Variants in BRD3 observed in about 807,000 individuals in gnomAD.
The protein encoded by BRD3 is bromodomain-containing protein 3.
A neutral mutation model predicts 66.8 loss-of-function variants in BRD3; 17 were observed. That is an observed-to-expected ratio of 0.25 (90% CI 0.17 to 0.38). The LOEUF is 0.38. Among genes scored for constraint, BRD3 ranks in the 10% least tolerant of loss-of-function variants. The pLI, the probability that BRD3 is intolerant of heterozygous loss-of-function variation, is 1.00. For missense variants in BRD3, 713 were observed against 956.1 expected, an observed-to-expected ratio of 0.75 and a Z score of 3.35; for synonymous variants, 421 against 393.2, an observed-to-expected ratio of 1.07 and a Z score of -0.84.
At position 134,053,550 on chromosome 9, in the gene BRD3, G is replaced by C; in HGVS notation, c.-73C>G. 6.8e-7 allele frequency: 1 copy of C among 1,461,296 alleles called. No homozygotes were observed. The highest frequency in any genetic ancestry group is 9.0e-7 in the Non-Finnish European group (1 of 1,109,680). The allele number at this position is 1,461,296 out of a possible 1,614,324, so 90.5% of individuals were successfully genotyped here. On this transcript the variant is annotated 5_prime_UTR_variant, in exon 2 of 12. Coordinates refer to ENST00000303407, the MANE Select transcript of BRD3 (RefSeq NM_007371.4). ...CCCTGGCTGCTTCTACGCTCCCTGAGAAAGCGCGACGTCCCATTTCCGGGC... is the reference window on the plus strand; with the variant it reads ...CCCTGGCTGCTTCTACGCTCCCTGACAAAGCGCGACGTCCCATTTCCGGGC...
At chr9:134,046,281 G>A (rs1830161835) in intron 6 of BRD3, among the ~76,000 whole-genome samples, 1 of 152,236 alleles carries the variant, frequency 6.6e-6, no homozygotes. Flanking sequence ...ACTAGTTGGG[G>A]CAAAGAGAGG....
At chr9:134,062,390 C>T (rs568625876) in intron 1 of BRD3, among the ~76,000 whole-genome samples, 28 of 152,286 alleles carry the variant, frequency 1.8e-4, no homozygotes, top group African/African-American at 6.5e-4. Flanking sequence ...GCTGCCTCTC[C>T]CGTGACTGTC....
intron 9 of BRD3, chr9:134,036,541 C>A: frequency 5.0e-6 from 8 of 1,609,384 alleles, no homozygotes; most frequent in Non-Finnish European, 6.8e-6. Context: ...GAGGTTCGTT[C>A]CTCTCTACAC....
At position 134,063,180 on chromosome 9, in the gene BRD3, C is replaced by G. The variant is rs980809722; in HGVS notation, c.-114+4765G>C. Among the ~76,000 whole-genome samples, 14 of 152,368 alleles carry G rather than the reference C, an allele frequency of 9.2e-5. No homozygotes were observed. The East Asian group carries it at 2.7e-3, about 29-fold the overall frequency. On this transcript the variant is annotated intron_variant, in intron 1 of 11. Transcript: ENST00000303407. ...TCTATGTTCTCTGCTCACCCCCAAC[C>G]ACAAATGCCGAGGACTGCAGGACGC... is the stretch of plus-strand genomic sequence containing the variant.
At chr9:134,038,168 TC>T (rs1181924188) in intron 9 of BRD3, among the ~76,000 whole-genome samples, 32 of 152,312 alleles carry the variant, frequency 2.1e-4, no homozygotes, top group African/African-American at 7.0e-4. Context: ...TTTCTTTTTT[TC>T]TCTGAGGCCA....
At chr9:134,034,526 C>G in intron 11 of BRD3, 175 bp downstream of exon 11, 1 of 898,694 alleles carries the variant, frequency 1.1e-6, no homozygotes, top group Non-Finnish European at 1.6e-6. Flanking sequence ...GGGGTATGAC[C>G]CCCAGTGACA....
Position 134,053,581 on chromosome 9 carries a change from C to G in BRD3, c.-104G>C, listed in dbSNP as rs548963663. ...GCGACGTCCCATTTCCGGGCCCAAC[C>G]AGGCGACAGCTGCAGAGGAGGAAGC... On this transcript the variant is annotated 5_prime_UTR_variant, in exon 2 of 12. Transcript: ENST00000303407. The G allele has an allele frequency of 1.4e-5, 20 of 1,447,070 alleles. No individual in the cohort carries two copies. The Admixed American group carries it at 4.9e-4, about 35-fold the overall frequency. The allele number at this position is 1,447,070 out of a possible 1,614,324, so 89.6% of individuals were successfully genotyped here.
intron 6 of BRD3, 21 bp downstream of exon 6, chr9:134,048,062 G>T: frequency 6.5e-7 from 1 of 1,543,272 alleles, no homozygotes. Flanking sequence ...GCAGAGCAGG[G>T]CCTGCCGCGC....
rs1843501462 is a variant in BRD3 at position 134,030,856 on chromosome 9, A to C, written c.*2734T>G. Reference sequence around the variant, plus strand: ...TCCAGGGGTCATTCAGAGTGTTCTCAAATCCAATTCCGACACACGACTTGT... The same window carrying C: ...TCCAGGGGTCATTCAGAGTGTTCTCCAATCCAATTCCGACACACGACTTGT... On this transcript the variant is annotated 3_prime_UTR_variant, in exon 12 of 12. Coordinates refer to ENST00000303407, the MANE Select transcript of BRD3 (RefSeq NM_007371.4). 1 of 232,550 alleles carries C rather than the reference A, an allele frequency of 4.3e-6. No homozygotes were observed. The highest frequency in any genetic ancestry group is 5.6e-5 in the Admixed American group (1 of 17,758). The allele number at this position is 232,550 out of a possible 1,614,324, so 14.4% of individuals were successfully genotyped here.
Position 134,053,600 on chromosome 9 carries a change from AG to A in BRD3, c.-113-11del. 1 of 1,442,780 alleles carries A rather than the reference AG, an allele frequency of 6.9e-7. No homozygotes were observed. The highest frequency in any genetic ancestry group is 1.5e-5 in the South Asian group (1 of 68,532). 89.4% of individuals were successfully genotyped at this position (1,442,780 alleles called of 1,614,324 possible). ...CCCAACCAGGCGACAGCTGCAGAGG[AG>A]GAAGCACAACAGAGAGGAAGGCCAG... On this transcript the variant is annotated splice_polypyrimidine_tract_variant and intron_variant, in intron 1 of 11. Transcript: ENST00000303407.
rs1028023380 is a variant in BRD3 at position 134,045,541 on chromosome 9, A to G, written c.1087-120T>C. Reference sequence around the variant, plus strand: ...CACTGCCAGCTCCAGGGCAGTGCCTACTGGCCTGGCCGGCAGGACACCCCA... The same window carrying G: ...CACTGCCAGCTCCAGGGCAGTGCCTGCTGGCCTGGCCGGCAGGACACCCCA... On this transcript the variant is annotated intron_variant, in intron 6 of 11. Transcript: ENST00000303407. This position sits in a 1 kb window ranked among gnomAD's most constrained non-coding sequence, Gnocchi z 4.8. The G allele has an allele frequency of 6.9e-7, 1 of 1,450,674 alleles. No individual in the cohort carries two copies. Among genetic ancestry groups the G allele is most frequent in the Non-Finnish European group, 9.4e-7 (1 of 1,059,566 alleles). 89.9% of individuals were successfully genotyped at this position (1,450,674 alleles called of 1,614,324 possible). A position where few individuals can be genotyped will look rare whatever the true frequency, so the allele number is the denominator to read the frequency against.
rs1054657817 is a variant in BRD3 at position 134,033,319 on chromosome 9, C to T, written c.*271G>A. On this transcript the variant is annotated 3_prime_UTR_variant, in exon 12 of 12. Coordinates refer to ENST00000303407, the MANE Select transcript of BRD3 (RefSeq NM_007371.4). This position sits in a 1 kb window ranked among gnomAD's most constrained non-coding sequence, Gnocchi z 5.1. ...ATCTCACACGGTTTTCTGGGGTCATCGGGTTAGCATTTGAAGTTGTCATCT... is the reference window on the plus strand; with the variant it reads ...ATCTCACACGGTTTTCTGGGGTCATTGGGTTAGCATTTGAAGTTGTCATCT... 6.9e-6 allele frequency: 3 copies of T among 435,942 alleles called. No individual in the cohort carries two copies. Among genetic ancestry groups the T allele is most frequent in the Middle Eastern group, 5.9e-4 (1 of 1,704 alleles). 27.0% of individuals were successfully genotyped at this position (435,942 alleles called of 1,614,324 possible).
At chr9:134,042,670 CATAT>C (rs902164054) in intron 7 of BRD3, among the ~76,000 whole-genome samples, 1 of 131,292 alleles carries the variant, frequency 7.6e-6, no homozygotes, top group Non-Finnish European at 1.6e-5. Context: ...CACACACACA[CATAT>C]ATATACACAC....
At chr9:134,051,529 G>A in intron 4 of BRD3, 33 bp downstream of exon 4, 2 of 1,498,002 alleles carry the variant, frequency 1.3e-6, no homozygotes, top group East Asian at 2.5e-5. Flanking sequence ...CTGCAGAGAG[G>A]CCCAGCCCCT....
In BRD3 at chr9:134,052,360, G is replaced by A. The variant is rs61731642; in HGVS notation, c.297C>T (p.Ser99=). ...RLENNYYWSA[S]ECMQDFNTMF... is the part of the protein sequence containing the mutation. ...TGGTGTTGAAGTCCTGCATACATTCGCTTGCACTCCAATAATAATTATTTT... is the reference window on the plus strand; with the variant it reads ...TGGTGTTGAAGTCCTGCATACATTCACTTGCACTCCAATAATAATTATTTT... The change falls in exon 3 of 12, where the codon AGC becomes AGT. Residue 99 remains serine (S), a synonymous_variant. Coordinates refer to ENST00000303407, the MANE Select transcript of BRD3 (RefSeq NM_007371.4). The A allele has an allele frequency of 1.4e-4, 218 of 1,613,510 alleles. No individual in the cohort carries two copies. The African/African-American group carries it at 2.4e-3, about 18-fold the overall frequency.
intron 1 of BRD3, among the ~76,000 whole-genome samples, chr9:134,067,364 G>C (rs1830683605): frequency 6.6e-6 from 1 of 151,184 alleles, no homozygotes; most frequent in Non-Finnish European, 1.5e-5. Context: ...CCCCGCCCCG[G>C]CCGCGGCGCG....
rs1588291854 is a variant in BRD3, at chr9:134,052,357, T to C, written c.300A>G (p.Glu100=). 4.3e-6 allele frequency: 7 copies of C among 1,613,538 alleles called. No homozygotes were observed. The highest frequency in any genetic ancestry group is 1.3e-5 in the African/African-American group (1 of 74,942). ...LENNYYWSAS[E]CMQDFNTMFT... ...ACATGGTGTTGAAGTCCTGCATACA[T>C]TCGCTTGCACTCCAATAATAATTAT... Residue 100 remains glutamate, a synonymous_variant, in exon 3 of 12, where the codon GAA becomes GAG. Transcript: ENST00000303407.
rs201154573 is a variant in BRD3 at position 134,033,012 on chromosome 9, C to G, written c.*578G>C. On this transcript the variant is annotated 3_prime_UTR_variant, in exon 12 of 12. Coordinates refer to ENST00000303407, the MANE Select transcript of BRD3 (RefSeq NM_007371.4). This position sits in a 1 kb window ranked among gnomAD's most constrained non-coding sequence, Gnocchi z 5.1. ...ATCCCACCCGACCACCCCCCAAGGG[C>G]TCCACGCTCCGGGCTGGGGCTGCGA... is the stretch of plus-strand genomic sequence containing the variant. 13 of 397,784 alleles carry G rather than the reference C, an allele frequency of 3.3e-5. No individual in the cohort carries two copies. In the Admixed American group the frequency reaches 4.4e-4, roughly 13 times the overall value. The allele number at this position is 397,784 out of a possible 1,614,324, so 24.6% of individuals were successfully genotyped here. A position where few individuals can be genotyped will look rare whatever the true frequency, so the allele number is the denominator to read the frequency against.
chr9:134,036,212 G>A lies in BRD3; in HGVS notation c.1756C>T (p.Arg586Trp), dbSNP rs1829908264. The change falls in exon 10 of 12, where the codon CGG (arginine) becomes TGG (tryptophan). Residue 586 changes from arginine (R) to tryptophan (W), a missense_variant. Arg to Trp is a moderately radical substitution (Grantham distance 101). Around this residue, in one of 5 missense-constraint regions of BRD3, gnomAD observed 418 missense variants for 609.3 expected, o/e 0.69. Coordinates refer to ENST00000303407, the MANE Select transcript of BRD3 (RefSeq NM_007371.4). ...CGGCCCAGCTTCTCCCCGGGCAGCC[G>A]GTTGATGTCCAGGCTAAGCTGGCGC... ...EKRQLSLDIN[R>W]LPGEKLGRVV... 5 of 1,614,224 alleles carry A rather than the reference G, an allele frequency of 3.1e-6. No individual in the cohort carries two copies. Among genetic ancestry groups the A allele is most frequent in the East Asian group, 2.2e-5 (1 of 44,892 alleles).
Sources: gnomAD v4.1 joint callset for allele counts (sites outside exome capture counted in the v4.1 genomes callset) on GRCh38, gnomAD v4.1.1 for gene constraint, gnomAD v4.1.1 regional missense constraint, Gnocchi (gnomAD v3.1) non-coding constraint, MANE v1.5 for transcripts, NCBI Gene and HGNC (gene_info 2026-07-23, HGNC 2026-07-21) for gene names.